HELZ: variants seen among roughly 807,000 people sequenced by gnomAD.
HELZ encodes the protein ATP-dependent RNA helicase with zinc finger domain.
In HELZ, 23 loss-of-function variants were observed where a neutral mutation model predicts 218.2. The ratio of observed to expected loss-of-function variants is 0.11; its 90% CI spans 0.08 to 0.15. The LOEUF (loss-of-function observed/expected upper bound fraction) is 0.15, where lower values mean the gene tolerates loss of function less well. HELZ is among the 10% of genes least tolerant of loss of function. HELZ has a pLI of 1.00. For missense variants in HELZ, 1,813 were observed against 2,353.7 expected (o/e 0.77, Z 4.75); for synonymous variants, 814 against 829.4 (o/e 0.98, Z 0.32).
chr17:67,179,763 ACC>A (rs1419463483), intron 12 of HELZ: 1 of 152,182 alleles, frequency 6.6e-6, no homozygotes, highest in Non-Finnish European at 1.5e-5. Flanking sequence ...AAAAAATGTA[ACC>A]TTACTGATAC....
intron 20 of HELZ, 56 bp from the exon 21 acceptor site, chr17:67,145,946 ACC>A: frequency 6.7e-7 from 1 of 1,486,824 alleles, no homozygotes; most frequent in Admixed American, 2.3e-5. Context: ...AATTAATTTC[ACC>A]CATAAGAAAA....
intron 26 of HELZ, 116 bp downstream of exon 26, chr17:67,122,854 A>G (rs1450962351): frequency 1.2e-5 from 8 of 663,656 alleles, no homozygotes; most frequent in Non-Finnish European, 2.0e-5. Flanking sequence ...GAAGATTATC[A>G]GCACTGAAAA....
At chr17:67,162,515 A>C (rs1274769972) in intron 15 of HELZ, among the ~76,000 whole-genome samples, 1 of 152,178 alleles carries the variant, frequency 6.6e-6, no homozygotes, top group African/African-American at 2.4e-5. Flanking sequence ...GGCTAAGTCC[A>C]GATCTAATGT....
At chr17:67,180,431 T>C (rs915444177) in intron 12 of HELZ, among the ~76,000 whole-genome samples, 2 of 152,142 alleles carry the variant, frequency 1.3e-5, no homozygotes, top group African/African-American at 2.4e-5. Flanking sequence ...TAATGTACAC[T>C]AACCACATTT....
Position 67,148,644 on chromosome 17 carries a change from T to A in HELZ, c.2546A>T (p.Tyr849Phe). The A allele has an allele frequency of 6.2e-7, 1 of 1,613,794 alleles. No individual in the cohort carries two copies. Among genetic ancestry groups the A allele is most frequent in the Middle Eastern group, 1.7e-4 (1 of 6,060 alleles). The change falls in exon 20 of 33, where the codon TAT (tyrosine) becomes TTT (phenylalanine). Residue 849 changes from tyrosine to phenylalanine, a missense_variant. Transcript: ENST00000358691. ...TGGGAACTCAGCAGGGTAATGCTCATAGAGTCGGTCAAGTAATGAAACGTG... is the reference window on the plus strand; with the variant it reads ...TGGGAACTCAGCAGGGTAATGCTCAAAGAGTCGGTCAAGTAATGAAACGTG... ...NLHVSLLDRL[Y>F]EHYPAEFPCR...
At chr17:67,186,568 C>T (rs1284754340) in intron 12 of HELZ, among the ~76,000 whole-genome samples, 5 of 152,164 alleles carry the variant, frequency 3.3e-5, no homozygotes, top group Non-Finnish European at 5.9e-5. Flanking sequence ...CTTTTCATCA[C>T]CACCTTTTCT....
chr17:67,128,590 T>C (rs772394328), intron 24 of HELZ, 61 bp downstream of exon 24: 6 of 1,413,952 alleles, frequency 4.2e-6, no homozygotes, highest in Admixed American at 1.7e-5. Context: ...CAATAAACCT[T>C]TGGCACTTCT....
At chr17:67,143,664 CT>C (rs1185993551) in intron 21 of HELZ, among the ~76,000 whole-genome samples, 4 of 151,148 alleles carry the variant, frequency 2.6e-5, no homozygotes, top group Non-Finnish European at 5.9e-5. Flanking sequence ...TTAAATTGTA[CT>C]TTTTTTTCAC....
At chr17:67,172,294 G>C (rs1393512802) in intron 13 of HELZ, among the ~76,000 whole-genome samples, 1 of 152,134 alleles carries the variant, frequency 6.6e-6, no homozygotes, top group Non-Finnish European at 1.5e-5. Context: ...CATTCCTCCA[G>C]TGCAGTGCTG....
At chr17:67,244,621 C>G in intron 1 of HELZ, 1 of 953,314 alleles carries the variant, frequency 1.0e-6, no homozygotes, top group South Asian at 4.8e-5. Flanking sequence ...GGGCCGAGAG[C>G]CCTCCGCGGG....
chr17:67,134,758 C>T (rs2038095124), intron 23 of HELZ, among the ~76,000 whole-genome samples: 1 of 151,764 alleles, frequency 6.6e-6, no homozygotes. Flanking sequence ...GAAAAAAAAA[C>T]CTGATTTAAA....
intron 32 of HELZ, among the ~76,000 whole-genome samples, chr17:67,083,420 T>A (rs2036259632): frequency 6.6e-6 from 1 of 152,046 alleles, no homozygotes. Flanking sequence ...GGCGGACAGA[T>A]CATGAGGTCA....
At chr17:67,089,637 A>G (rs1323631300) in intron 31 of HELZ, among the ~76,000 whole-genome samples, 1 of 138,724 alleles carries the variant, frequency 7.2e-6, no homozygotes, top group Non-Finnish European at 1.5e-5. Context: ...AATTAGATCT[A>G]TTGGAGATTT....
At chr17:67,211,637 G>C (rs1745866258) in intron 5 of HELZ, among the ~76,000 whole-genome samples, 1 of 152,180 alleles carries the variant, frequency 6.6e-6, no homozygotes. Context: ...AAGGCAGGTG[G>C]ACCACTTGAG....
In HELZ at chr17:67,174,404, A is replaced by G. The variant is rs2039396444; in HGVS notation, c.1430+4255T>C. Among the ~76,000 whole-genome samples the G allele has an allele frequency of 2.0e-5, 3 of 152,114 alleles. 1 individual carries two copies. The highest frequency in any genetic ancestry group is 4.1e-4 in the South Asian group (2 of 4,822). On this transcript the variant is annotated intron_variant, in intron 13 of 32. Coordinates refer to ENST00000358691, the MANE Select transcript of HELZ (RefSeq NM_014877.4). Reference sequence around the variant, plus strand: ...CACAGCTCACTGCAGCCTCAAATTCATGGGTTCAAGTGATCCTCCTGCCTC... The same window carrying G: ...CACAGCTCACTGCAGCCTCAAATTCGTGGGTTCAAGTGATCCTCCTGCCTC...
chr17:67,091,871 ACTTAT>A (rs1422225591), intron 31 of HELZ, among the ~76,000 whole-genome samples: 1 of 152,144 alleles, frequency 6.6e-6, no homozygotes, highest in Non-Finnish European at 1.5e-5. Flanking sequence ...GGGTCTACTA[ACTTAT>A]TTCAATTTAG....
intron 3 of HELZ, among the ~76,000 whole-genome samples, chr17:67,226,580 T>C (rs1240168301): frequency 6.6e-6 from 1 of 151,992 alleles, no homozygotes; most frequent in African/African-American, 2.4e-5. Flanking sequence ...GGAAAAAGGG[T>C]TTGCAGCTTC....
intron 5 of HELZ, among the ~76,000 whole-genome samples, chr17:67,214,427 G>C (rs908389347): frequency 2.6e-5 from 4 of 151,508 alleles, no homozygotes; most frequent in African/African-American, 7.3e-5. Context: ...CACCATGCCT[G>C]GCTAATTTCT....
chr17:67,234,731 T>G (rs2041132946), intron 3 of HELZ, among the ~76,000 whole-genome samples: 1 of 152,038 alleles, frequency 6.6e-6, no homozygotes, highest in Non-Finnish European at 1.5e-5. Context: ...AACCCAGTCC[T>G]GACCTATTGG....
Sources: allele counts gnomAD v4.1 joint callset (sites outside exome capture counted in the v4.1 genomes callset), GRCh38; gene constraint gnomAD v4.1.1; transcripts MANE v1.5; gene names NCBI Gene and HGNC (gene_info 2026-07-23, HGNC 2026-07-21).